Variants in RALGPS2 observed in about 807,000 individuals in gnomAD.
The protein encoded by RALGPS2 is Ral GEF with PH domain and SH3 binding motif 2, also known as ras-specific guanine nucleotide-releasing factor RalGPS2.
In RALGPS2, 43 loss-of-function variants were observed where a neutral mutation model predicts 86.8. The observed-to-expected ratio is 0.50, with a 90% CI of 0.39 to 0.64. RALGPS2 has a LOEUF of 0.64. RALGPS2 is among the 30% of genes least tolerant of loss of function. The pLI is 0.00. For missense variants in RALGPS2, 536 were observed against 694.6 expected (o/e 0.77, Z 2.57); for synonymous variants, 243 against 231.3 (o/e 1.05, Z -0.46).
At chr1:178,777,120 A>G (rs1320057820) in intron 2 of RALGPS2, among the ~76,000 whole-genome samples, 1 of 110,396 alleles carries the variant, frequency 9.1e-6, no homozygotes, top group Non-Finnish European at 1.8e-5. Flanking sequence ...CCCCACCACA[A>G]TCCCCAGAGT....
chr1:178,754,721 A>G (rs887517964), intron 1 of RALGPS2, among the ~76,000 whole-genome samples: 7 of 152,360 alleles, frequency 4.6e-5, no homozygotes, highest in Admixed American at 1.3e-4. Context: ...CCTGTGGTTC[A>G]GTCAAGTTGA....
intron 8 of RALGPS2, among the ~76,000 whole-genome samples, chr1:178,844,443 G>A (rs1656769192): frequency 1.3e-5 from 2 of 152,028 alleles, no homozygotes; most frequent in Admixed American, 6.6e-5. Context: ...AGTTCAATGT[G>A]GATTAAATTA....
chr1:178,764,160 G>A (rs1247931737), intron 1 of RALGPS2, among the ~76,000 whole-genome samples: 2 of 152,072 alleles, frequency 1.3e-5, no homozygotes, highest in Non-Finnish European at 2.9e-5. Context: ...TTTTGGGTGT[G>A]TGTATATATT....
chr1:178,845,837 C>G (rs1206147389), intron 8 of RALGPS2, among the ~76,000 whole-genome samples: 6 of 152,096 alleles, frequency 3.9e-5, no homozygotes, highest in Admixed American at 3.9e-4. Context: ...TTACAAAGGT[C>G]CAGGATATCA....
At chr1:178,880,500 CTG>C (rs1227540344) in intron 10 of RALGPS2, among the ~76,000 whole-genome samples, 2 of 152,160 alleles carry the variant, frequency 1.3e-5, no homozygotes, top group Non-Finnish European at 2.9e-5. Context: ...CTTTTTAAGA[CTG>C]GAGTTGTTTC....
chr1:178,862,238 TAGAAC>T (rs570437274), intron 8 of RALGPS2, among the ~76,000 whole-genome samples: 100 of 152,226 alleles, frequency 6.6e-4, no homozygotes, highest in African/African-American at 2.4e-3. Flanking sequence ...TACTGTAACT[TAGAAC>T]AGTATAAAAT....
At chr1:178,781,322 C>T (rs1653383436) in intron 2 of RALGPS2, among the ~76,000 whole-genome samples, 1 of 152,126 alleles carries the variant, frequency 6.6e-6, no homozygotes, top group South Asian at 2.1e-4. Flanking sequence ...CATCAAAGTA[C>T]AAATTTCTTA....
At chr1:178,755,444 T>A (rs1651905101) in intron 1 of RALGPS2, among the ~76,000 whole-genome samples, 1 of 152,178 alleles carries the variant, frequency 6.6e-6, no homozygotes, top group Admixed American at 6.5e-5. Flanking sequence ...CAGTATTTGG[T>A]TTTCTGTTCC....
intron 1 of RALGPS2, among the ~76,000 whole-genome samples, chr1:178,752,780 A>G (rs1307525245): frequency 1.3e-5 from 2 of 152,204 alleles, no homozygotes; most frequent in African/African-American, 4.8e-5. Flanking sequence ...GTTGCCTTGG[A>G]AAAAATACTT....
intron 4 of RALGPS2, among the ~76,000 whole-genome samples, chr1:178,804,260 T>C (rs1654625030): frequency 6.6e-6 from 1 of 150,892 alleles, no homozygotes; most frequent in Non-Finnish European, 1.5e-5. Flanking sequence ...CTTCTTTTTT[T>C]TTTTTTTTTA....
chr1:178,846,887 G>A (rs1358338085), intron 8 of RALGPS2, among the ~76,000 whole-genome samples: 3 of 152,128 alleles, frequency 2.0e-5, no homozygotes, highest in Non-Finnish European at 4.4e-5. Context: ...AGCTGACACT[G>A]TACTTTATAT....
chr1:178,781,855 A>AT (rs1321636029), intron 2 of RALGPS2, among the ~76,000 whole-genome samples: 1 of 152,200 alleles, frequency 6.6e-6, no homozygotes, highest in Non-Finnish European at 1.5e-5. Context: ...GTAAAATAAT[A>AT]TTGTTGACAT....
intron 8 of RALGPS2, among the ~76,000 whole-genome samples, chr1:178,844,991 C>G (rs1355874536): frequency 6.6e-6 from 1 of 151,748 alleles, no homozygotes; most frequent in African/African-American, 2.4e-5. Flanking sequence ...ACCAGCCTGG[C>G]CAACATGGCA....
chr1:178,755,454 C>T (rs1475010722), intron 1 of RALGPS2, among the ~76,000 whole-genome samples: 1 of 152,124 alleles, frequency 6.6e-6, no homozygotes, highest in East Asian at 1.9e-4. Context: ...TTTTCTGTTC[C>T]TGTGTTAATT....
At chr1:178,915,864 A>T (rs1190083570) in intron 19 of RALGPS2, among the ~76,000 whole-genome samples, 1 of 152,212 alleles carries the variant, frequency 6.6e-6, no homozygotes, top group Non-Finnish European at 1.5e-5. Context: ...TTTAATCATG[A>T]TTTTACAAAT....
chr1:178,757,208 C>CTT (rs1265918305), intron 1 of RALGPS2, among the ~76,000 whole-genome samples: 1 of 152,104 alleles, frequency 6.6e-6, no homozygotes, highest in African/African-American at 2.4e-5. Flanking sequence ...CGTTTGCGGT[C>CTT]TTTAGGGTTT....
At chr1:178,821,110 T>A (rs1230022867) in intron 6 of RALGPS2, among the ~76,000 whole-genome samples, 4 of 151,994 alleles carry the variant, frequency 2.6e-5, no homozygotes. Flanking sequence ...GATCTGGGGA[T>A]TTGGGTAGGA....
intron 19 of RALGPS2, among the ~76,000 whole-genome samples, chr1:178,908,406 T>G (rs567851052): frequency 5.8e-4 from 89 of 152,366 alleles, no homozygotes; most frequent in African/African-American, 2.1e-3. Flanking sequence ...TACATGTGTC[T>G]TTTTGGTAGA....
chr1:178,902,151 GTGA>G lies in RALGPS2; in HGVS notation c.1576_1578del (p.Met526del). 6.2e-7 allele frequency: 1 copy of G among 1,613,100 alleles called. No individual in the cohort carries two copies. Among genetic ancestry groups the G allele is most frequent in the South Asian group, 1.1e-5 (1 of 91,046 alleles). On this transcript the variant is annotated inframe_deletion, in exon 18 of 20. Coordinates refer to ENST00000367635, the MANE Select transcript of RALGPS2 (RefSeq NM_152663.5). The stretch of plus-strand genomic sequence containing the variant: ...GAACGTATCTGTGATAGGATGGATG[GTGA>G]TGATGGCTGATGACCCTGAACATCC...
Sources: allele counts gnomAD v4.1 joint callset (sites outside exome capture counted in the v4.1 genomes callset), GRCh38; gene constraint gnomAD v4.1.1; transcripts MANE v1.5; gene names NCBI Gene and HGNC (gene_info 2026-07-23, HGNC 2026-07-21).